The following EFNA5 variants were observed in gnomAD, a reference collection of about 807,000 sequenced individuals.
EFNA5 encodes the protein ephrin-A5.
Under a neutral mutation model 22.9 loss-of-function variants are expected in EFNA5, and 5 were observed. The observed-to-expected ratio is 0.22, with a 90% CI of 0.11 to 0.46. EFNA5 has a LOEUF of 0.46. EFNA5 is among the 20% of genes least tolerant of loss of function. EFNA5 has a pLI of 0.99. For missense variants in EFNA5, 237 were observed against 293.3 expected, an observed-to-expected ratio of 0.81 and a Z score of 1.40; for synonymous variants, 113 against 112.2, an observed-to-expected ratio of 1.01 and a Z score of -0.04.
At chr5:107,476,057 T>TATATATATATATA in intron 1 of EFNA5, among the ~76,000 whole-genome samples, 5 of 100,392 alleles carry the variant, frequency 5.0e-5, no homozygotes, top group South Asian at 3.1e-4. Flanking sequence ...TATATATATA[T>TATATATATATATA]TTTTTTTTTT....
chr5:107,492,353 T>C (rs1355781828), intron 1 of EFNA5, among the ~76,000 whole-genome samples: 3 of 152,246 alleles, frequency 2.0e-5, no homozygotes, highest in Non-Finnish European at 4.4e-5. Flanking sequence ...TTATATGTCA[T>C]CCTTTTATTA....
At chr5:107,572,520 T>C (rs1409525129) in intron 1 of EFNA5, among the ~76,000 whole-genome samples, 1 of 152,154 alleles carries the variant, frequency 6.6e-6, no homozygotes. Flanking sequence ...GATTCTTAAG[T>C]CATTCACAGA....
chr5:107,549,908 A>G (rs149177981), intron 1 of EFNA5, among the ~76,000 whole-genome samples: 31 of 152,336 alleles, frequency 2.0e-4, no homozygotes, highest in African/African-American at 7.5e-4. Flanking sequence ...GCACCTCTCA[A>G]ATGTAAAAAG....
intron 4 of EFNA5, among the ~76,000 whole-genome samples, chr5:107,382,163 A>G (rs937996780): frequency 6.6e-6 from 1 of 152,148 alleles, no homozygotes; most frequent in Non-Finnish European, 1.5e-5. Context: ...ATTTAGCTAT[A>G]AAGTGTTCTA....
chr5:107,493,597 T>C (rs111482947), intron 1 of EFNA5, among the ~76,000 whole-genome samples: 2 of 152,366 alleles, frequency 1.3e-5, no homozygotes, highest in African/African-American at 4.8e-5. Flanking sequence ...GTCTTACATT[T>C]ACAATGTACT....
intron 1 of EFNA5, among the ~76,000 whole-genome samples, chr5:107,548,439 T>A (rs1335875607): frequency 6.6e-6 from 1 of 152,204 alleles, no homozygotes; most frequent in Non-Finnish European, 1.5e-5. Context: ...ATTATTTTTA[T>A]AAGAGCAATA....
At chr5:107,392,589 G>A (rs1007706698) in intron 2 of EFNA5, among the ~76,000 whole-genome samples, 2 of 152,206 alleles carry the variant, frequency 1.3e-5, no homozygotes, top group African/African-American at 4.8e-5. Flanking sequence ...CAGCTAAGCT[G>A]CACCTGGATT....
At chr5:107,458,569 G>C (rs188816638) in intron 1 of EFNA5, among the ~76,000 whole-genome samples, 1 of 151,884 alleles carries the variant, frequency 6.6e-6, no homozygotes, top group Admixed American at 6.6e-5. Flanking sequence ...GAGTGCTAAA[G>C]CCTTTTTGGA....
intron 1 of EFNA5, among the ~76,000 whole-genome samples, chr5:107,518,898 A>C (rs577169086): frequency 1.3e-5 from 2 of 152,326 alleles, no homozygotes; most frequent in South Asian, 4.2e-4. Flanking sequence ...AGTCATTGAG[A>C]GGAACCATGT....
intron 1 of EFNA5, among the ~76,000 whole-genome samples, chr5:107,453,299 G>T (rs1276983932): frequency 6.6e-6 from 1 of 152,046 alleles, no homozygotes; most frequent in Non-Finnish European, 1.5e-5. Flanking sequence ...AGTTGGTAAA[G>T]TCAGACAATG....
chr5:107,478,179 C>T (rs1189288248), intron 1 of EFNA5, among the ~76,000 whole-genome samples: 1 of 152,172 alleles, frequency 6.6e-6, no homozygotes, highest in African/African-American at 2.4e-5. Context: ...CCCTGCTTCT[C>T]CTCCTGATCC....
At chr5:107,418,646 CT>C (rs1349478893) in intron 2 of EFNA5, among the ~76,000 whole-genome samples, 2 of 152,294 alleles carry the variant, frequency 1.3e-5, no homozygotes, top group South Asian at 4.1e-4. Context: ...TTTTGAACTT[CT>C]CGTCTGAGTG....
intron 1 of EFNA5, among the ~76,000 whole-genome samples, chr5:107,527,629 G>C (rs1747724141): frequency 6.6e-6 from 1 of 151,972 alleles, no homozygotes; most frequent in Non-Finnish European, 1.5e-5. Flanking sequence ...GTGTGTTAGG[G>C]GAATGGGATA....
intron 1 of EFNA5, among the ~76,000 whole-genome samples, chr5:107,559,800 T>A (rs967910812): frequency 3.9e-5 from 6 of 152,346 alleles, no homozygotes; most frequent in African/African-American, 1.2e-4. Flanking sequence ...AACATTAAAA[T>A]ACACACTGAT....
chr5:107,393,254 T>C (rs558130970), intron 2 of EFNA5, among the ~76,000 whole-genome samples: 127 of 152,248 alleles, frequency 8.3e-4, no homozygotes, highest in Non-Finnish European at 1.5e-3. Context: ...AGTTATCTTC[T>C]ACACAGGCCA....
intron 1 of EFNA5, among the ~76,000 whole-genome samples, chr5:107,452,041 G>A (rs1446888648): frequency 6.6e-6 from 1 of 152,172 alleles, no homozygotes; most frequent in African/African-American, 2.4e-5. Flanking sequence ...ATACTATGCA[G>A]CCATAAAAAG....
At chr5:107,590,717 G>C (rs6892545) in intron 1 of EFNA5, among the ~76,000 whole-genome samples, 3,150 of 152,112 alleles carry the variant, frequency 0.021, 110 homozygotes, top group African/African-American at 0.064. Context: ...TTATCTTAAA[G>C]GTAAATGGTG....
intron 1 of EFNA5, among the ~76,000 whole-genome samples, chr5:107,476,735 T>TTCTCTCTCTCTCTCTCTCTC: frequency 6.7e-6 from 1 of 148,238 alleles, no homozygotes; most frequent in Non-Finnish European, 1.5e-5. Flanking sequence ...TTTTTTCTCT[T>TTCTCTCTCTCTCTCTCTCTC]TCTCTCTCTC....
intron 1 of EFNA5, among the ~76,000 whole-genome samples, chr5:107,480,792 G>A (rs1448916434): frequency 3.3e-5 from 5 of 152,214 alleles, no homozygotes; most frequent in Non-Finnish European, 7.3e-5. Context: ...CAAAGGCCTT[G>A]TACTGGGAGT....
Sources: gnomAD v4.1 joint callset for allele counts (sites outside exome capture counted in the v4.1 genomes callset) on GRCh38, gnomAD v4.1.1 for gene constraint, MANE v1.5 for transcripts, NCBI Gene and HGNC (gene_info 2026-07-23, HGNC 2026-07-21) for gene names.